The following CNNM2 variants were observed in gnomAD, a reference collection of about 807,000 sequenced individuals.
CNNM2 encodes cyclin and CBS domain divalent metal cation transport mediator 2, also known as metal transporter CNNM2.
In CNNM2, 12 loss-of-function variants were observed where a neutral mutation model predicts 66.9. The ratio of observed to expected loss-of-function variants is 0.18; its 90% confidence interval spans 0.11 to 0.29. The LOEUF (loss-of-function observed/expected upper bound fraction) is 0.29. Among genes scored for constraint, CNNM2 ranks in the 10% least tolerant of loss-of-function variants. The probability of loss-of-function intolerance (pLI) is 1.00; values close to 1 mark genes in which losing one functional copy is unlikely to be tolerated. For missense variants in CNNM2, 705 were observed against 1,167.7 expected, an observed-to-expected ratio of 0.60 and a Z score of 5.77; for synonymous variants, 557 against 501.8, an observed-to-expected ratio of 1.11 and a Z score of -1.47.
intron 1 of CNNM2, among the ~76,000 whole-genome samples, chr10:103,026,888 A>G (rs538004137): frequency 6.6e-6 from 1 of 152,312 alleles, no homozygotes; most frequent in East Asian, 1.9e-4. Flanking sequence ...CAGTAAGGAA[A>G]TCAGTCTTGT....
rs576296225 is a variant in CNNM2 at position 103,086,553 on chromosome 10, G to A, written c.*9373G>A. 2.4e-4 allele frequency: 36 copies of A among 152,268 alleles called. No individual in the cohort carries two copies. The highest frequency in any genetic ancestry group is 1.9e-3 in the Admixed American group (29 of 15,300). The allele number at this position is 152,268 out of a possible 1,614,324, so 9.4% of individuals were successfully genotyped here. A position where few individuals can be genotyped will look rare whatever the true frequency, so the allele number is the denominator to read the frequency against. ...AAAATTGCTGGGCTTTAAAGTTGTT[G>A]ACAAAGTATTTCTTAAATAAATACA... On this transcript the variant is annotated 3_prime_UTR_variant, in exon 8 of 8. Transcript: ENST00000369878.
intron 5 of CNNM2, among the ~76,000 whole-genome samples, chr10:103,069,572 G>A (rs975849000): frequency 6.6e-6 from 1 of 152,188 alleles, no homozygotes; most frequent in Non-Finnish European, 1.5e-5. Flanking sequence ...CTGGCCAGGC[G>A]AGTCAGCCAG....
intron 1 of CNNM2, among the ~76,000 whole-genome samples, chr10:102,982,584 G>C (rs1265780355): frequency 2.0e-5 from 3 of 152,194 alleles, no homozygotes; most frequent in African/African-American, 7.2e-5. Context: ...GCATTCCCCT[G>C]TGTAATCAAG....
intron 1 of CNNM2, among the ~76,000 whole-genome samples, chr10:103,048,133 C>T (rs1271463840): frequency 6.6e-6 from 1 of 151,450 alleles, no homozygotes; most frequent in African/African-American, 2.4e-5. Flanking sequence ...CCATGTTGGC[C>T]AGGTTGGTCT....
At chr10:103,020,158 T>G (rs2134284242) in intron 1 of CNNM2, among the ~76,000 whole-genome samples, 1 of 150,454 alleles carries the variant, frequency 6.6e-6, no homozygotes, top group South Asian at 2.1e-4. Context: ...TTTTTGTTCT[T>G]TTTTTTTTTC....
Position 103,075,223 on chromosome 10 carries a change from C to T in CNNM2, c.2234-863C>T, listed in dbSNP as rs141064361. The stretch of plus-strand genomic sequence containing the variant: ...AGCGTCAGATGGGAGAAATGGTCCC[C>T]TCCAATCCTGTGATACGATGCAATT... On this transcript the variant is annotated intron_variant, in intron 6 of 7. Coordinates refer to ENST00000369878, the MANE Select transcript of CNNM2 (RefSeq NM_017649.5). Among the ~76,000 whole-genome samples, 887 of 152,300 alleles carry T rather than the reference C, an allele frequency of 5.8e-3. 7 individuals are homozygous for T. Among genetic ancestry groups the T allele is most frequent in the African/African-American group, 0.02 (831 of 41,556 alleles).
rs781306370 is a variant in CNNM2 at position 103,054,323 on chromosome 10, C to A, written c.1766-6C>A. On this transcript the variant is annotated splice_polypyrimidine_tract_variant and splice_region_variant and intron_variant, in intron 2 of 7. Coordinates refer to ENST00000369878, the MANE Select transcript of CNNM2 (RefSeq NM_017649.5). This position sits in a 1 kb window ranked among gnomAD's most constrained non-coding sequence, Gnocchi z 5.2. ...TTTTTTTTCTCTCTTTTAATTCCTC[C>A]CTTAGCTGACAACAGAACGAAAAAG... The A allele has an allele frequency of 6.2e-7, 1 of 1,613,540 alleles. No individual in the cohort carries two copies. The highest frequency in any genetic ancestry group is 1.3e-5 in the African/African-American group (1 of 74,992).
intron 1 of CNNM2, among the ~76,000 whole-genome samples, chr10:102,934,007 C>CTT (rs34063291): frequency 2.2e-5 from 3 of 135,260 alleles, no homozygotes; most frequent in East Asian, 2.2e-4. Context: ...CTTATTTTAA[C>CTT]TTTTTTTTTT....
intron 1 of CNNM2, among the ~76,000 whole-genome samples, chr10:102,989,565 G>A (rs1055937989): frequency 6.6e-6 from 1 of 152,064 alleles, no homozygotes; most frequent in Non-Finnish European, 1.5e-5. Context: ...CACTTTGGGA[G>A]GCTGAGGCGG....
chr10:103,035,903 G>T (rs1040488112), intron 1 of CNNM2, among the ~76,000 whole-genome samples: 2 of 152,180 alleles, frequency 1.3e-5, no homozygotes, highest in Non-Finnish European at 2.9e-5. Flanking sequence ...TACTTTCTGT[G>T]TCTGCTGTTG....
chr10:103,053,042 T>C lies in CNNM2; in HGVS notation c.1766-1287T>C, dbSNP rs118031532. On this transcript the variant is annotated intron_variant, in intron 2 of 7. Transcript: ENST00000369878. ...TCAGTCCTTGGGAAGGAGCAAGCAA[T>C]TGGGGTCTTGTCTTTAAGCTCGTTT... Among the ~76,000 whole-genome samples, 2,359 of 152,292 alleles carry C rather than the reference T, an allele frequency of 0.015. 29 individuals are homozygous for C. Among genetic ancestry groups the C allele is most frequent in the Middle Eastern group, 0.048 (14 of 294 alleles).
At chr10:102,923,203 C>T (rs898846278) in intron 1 of CNNM2, among the ~76,000 whole-genome samples, 1 of 151,718 alleles carries the variant, frequency 6.6e-6, no homozygotes, top group African/African-American at 2.4e-5. Flanking sequence ...TGTCTTTTTT[C>T]TCTGGCTACC....
In CNNM2 at chr10:102,972,773, C is replaced by G. The variant is rs1590332148; in HGVS notation, c.1621+52672C>G. Reference sequence around the variant, plus strand: ...TGAAGGGGGTGGTGCTGCTTGGTTCCTTTTACTTAACATTCATTGAGTTCC... The same window carrying G: ...TGAAGGGGGTGGTGCTGCTTGGTTCGTTTTACTTAACATTCATTGAGTTCC... On this transcript the variant is annotated intron_variant, in intron 1 of 7. Coordinates refer to ENST00000369878, the MANE Select transcript of CNNM2 (RefSeq NM_017649.5). Among the ~76,000 whole-genome samples, 4 of 152,166 alleles carry G rather than the reference C, an allele frequency of 2.6e-5. No individual in the cohort carries two copies. In the East Asian group the frequency reaches 7.7e-4, roughly 29 times the overall value.
At chr10:102,984,289 G>A (rs2063762670) in intron 1 of CNNM2, among the ~76,000 whole-genome samples, 1 of 152,178 alleles carries the variant, frequency 6.6e-6, no homozygotes, top group South Asian at 2.1e-4. Flanking sequence ...TAGGGAGGAG[G>A]ATTCAGCAGA....
At chr10:102,955,581 A>G (rs1224553918) in intron 1 of CNNM2, among the ~76,000 whole-genome samples, 1 of 152,240 alleles carries the variant, frequency 6.6e-6, no homozygotes, top group Non-Finnish European at 1.5e-5. Context: ...ATCAGAGTGA[A>G]CAGGCAACCT....
intron 1 of CNNM2, among the ~76,000 whole-genome samples, chr10:102,938,744 A>G (rs1846329974): frequency 1.3e-5 from 2 of 152,110 alleles, no homozygotes; most frequent in South Asian, 2.1e-4. Context: ...TTGCTCTTAA[A>G]TAGTCCTATG....
chr10:102,957,705 C>A lies in CNNM2; in HGVS notation c.1621+37604C>A, dbSNP rs112107258. Among the ~76,000 whole-genome samples the A allele has an allele frequency of 1.0e-3, 155 of 152,280 alleles. No individual in the cohort carries two copies. Among genetic ancestry groups the A allele is most frequent in the Non-Finnish European group, 2.0e-3 (133 of 68,018 alleles). ...GGAATTAAGCCCTAATAGGAGAGAA[C>A]CATCTTTTTAAGACATTGACTGATT... On this transcript the variant is annotated intron_variant, in intron 1 of 7. Transcript: ENST00000369878.
intron 1 of CNNM2, among the ~76,000 whole-genome samples, chr10:103,024,722 C>T (rs1379166616): frequency 1.3e-5 from 2 of 152,124 alleles, no homozygotes; most frequent in African/African-American, 4.8e-5. Context: ...TCGTGATCGA[C>T]CCACTTCAGC....
At position 103,005,252 on chromosome 10, in the gene CNNM2, G is replaced by T. The variant is rs148191705; in HGVS notation, c.1622-44455G>T. ...TAATATTTCTAGTTTTCTGTATAGA[G>T]ATTTTATTTGCTAGTTCATTCTTAA... On this transcript the variant is annotated intron_variant, in intron 1 of 7. Transcript: ENST00000369878. Among the ~76,000 whole-genome samples, 460 of 152,194 alleles carry T rather than the reference G, an allele frequency of 3.0e-3. 1 individual carries two copies. Among genetic ancestry groups the T allele is most frequent in the Non-Finnish European group, 3.9e-3 (268 of 68,000 alleles).
Sources: allele counts gnomAD v4.1 joint callset (sites outside exome capture counted in the v4.1 genomes callset), GRCh38; gene constraint gnomAD v4.1.1; non-coding constraint Gnocchi (gnomAD v3.1); transcripts MANE v1.5; gene names NCBI Gene and HGNC (gene_info 2026-07-23, HGNC 2026-07-21).